The following DUSP22 variants were observed in gnomAD, a reference collection of about 807,000 sequenced individuals.
The protein encoded by DUSP22 is dual specificity phosphatase 22.
Under a neutral mutation model 24.5 loss-of-function variants are expected in DUSP22, and 24 were observed. The observed-to-expected ratio is 0.98, with a 90% confidence interval of 0.71 to 1.38. DUSP22 has a LOEUF of 1.38. Ranked by LOEUF, DUSP22 falls within the 40% of genes most tolerant of loss-of-function variation. The pLI is 0.00. For missense variants in DUSP22, 330 were observed against 269.2 expected, an observed-to-expected ratio of 1.23 and a Z score of -1.58; for synonymous variants, 160 against 106.4, an observed-to-expected ratio of 1.50 and a Z score of -3.10.
chr6:299,147 C>CT (rs1222366072), intron 1 of DUSP22, among the ~76,000 whole-genome samples: 24 of 152,276 alleles, frequency 1.6e-4, no homozygotes, highest in East Asian at 3.8e-4. Context: ...CCTTTACAGG[C>CT]TTTTTTTTCC....
At chr6:298,952 T>A (rs990933561) in intron 1 of DUSP22, among the ~76,000 whole-genome samples, 1 of 152,296 alleles carries the variant, frequency 6.6e-6, no homozygotes, top group Non-Finnish European at 1.5e-5. Flanking sequence ...CAAGGCGATA[T>A]GAGAGAGAGA....
intron 4 of DUSP22, chr6:338,173 A>G (rs1369003348): frequency 1.3e-5 from 2 of 152,360 alleles, no homozygotes; most frequent in African/African-American, 4.8e-5. Context: ...GTAACAGCAA[A>G]TCTTGTGAAT....
intron 2 of DUSP22, among the ~76,000 whole-genome samples, chr6:305,647 G>C (rs1757786399): frequency 1.3e-5 from 2 of 152,306 alleles, no homozygotes; most frequent in African/African-American, 4.8e-5. Flanking sequence ...TCGGCTTCCA[G>C]GGAGGGGCCA....
Position 306,537 on chromosome 6 carries a change from C to T in DUSP22, c.55+1876C>T, listed in dbSNP as rs577096817. On this transcript the variant is annotated intron_variant, in intron 2 of 6. Coordinates refer to ENST00000419235, the MANE Select transcript of DUSP22 (RefSeq NM_001286555.3). ...CTCCTTGTTCATAGGGTTAATGCTG[C>T]ATTATTACCTTAAGTTATTCTGATA... 2.0e-5 allele frequency among the ~76,000 whole-genome samples: 3 copies of T among 152,420 alleles called. No individual in the cohort carries two copies. In the East Asian group the frequency reaches 5.8e-4, roughly 29 times the overall value.
At chr6:327,176 G>A (rs527865036) in intron 3 of DUSP22, among the ~76,000 whole-genome samples, 3 of 152,428 alleles carry the variant, frequency 2.0e-5, no homozygotes, top group African/African-American at 2.4e-5. Context: ...GAGCTTCCAG[G>A]AGCCCAGCCA....
intron 3 of DUSP22, among the ~76,000 whole-genome samples, chr6:332,926 A>G (rs1465722405): frequency 2.0e-5 from 3 of 152,306 alleles, no homozygotes; most frequent in Non-Finnish European, 2.9e-5. Context: ...ATCGACTGCC[A>G]ACTCTCACTT....
At chr6:296,682 T>C (rs1053077795) in intron 1 of DUSP22, among the ~76,000 whole-genome samples, 3 of 152,298 alleles carry the variant, frequency 2.0e-5, no homozygotes, top group East Asian at 1.9e-4. Context: ...CAATACCCCA[T>C]TAAAAACAAA....
At chr6:302,342 C>CTG (rs1757619382) in intron 1 of DUSP22, among the ~76,000 whole-genome samples, 1 of 152,308 alleles carries the variant, frequency 6.6e-6, no homozygotes, top group Non-Finnish European at 1.5e-5. Flanking sequence ...ACAGTGTCTG[C>CTG]TGTGCAGGAC....
At chr6:309,001 G>A (rs1359967822) in intron 2 of DUSP22, among the ~76,000 whole-genome samples, 15 of 152,308 alleles carry the variant, frequency 9.8e-5, no homozygotes, top group African/African-American at 3.4e-4. Context: ...CTGTTTCACT[G>A]CTTTTCTAAA....
rs1031856137 is a variant in DUSP22 at position 313,133 on chromosome 6, C to T, written c.138+1171C>T. 3.3e-5 allele frequency among the ~76,000 whole-genome samples: 5 copies of T among 152,304 alleles called. No individual in the cohort carries two copies. In the South Asian group the frequency reaches 8.3e-4, roughly 25 times the overall value. ...AGTTTGTATTTAAAATACAGCCAAG[C>T]TATGGCCAAGATGCTAAGTTAAACT... On this transcript the variant is annotated intron_variant, in intron 3 of 6. Transcript: ENST00000419235.
chr6:343,672 C>CGTGTGCATGTTTGT (rs1431131243), intron 4 of DUSP22, among the ~76,000 whole-genome samples: 2 of 151,844 alleles, frequency 1.3e-5, no homozygotes, highest in African/African-American at 4.8e-5. Flanking sequence ...TGCATGTTTG[C>CGTGTGCATGTTTGT]GTGTGCATGT....
chr6:316,988 T>G (rs1399899469), intron 3 of DUSP22, among the ~76,000 whole-genome samples: 1 of 152,312 alleles, frequency 6.6e-6, no homozygotes, highest in Non-Finnish European at 1.5e-5. Context: ...TATGGTGTTT[T>G]TAAAAGAATG....
intron 1 of DUSP22, among the ~76,000 whole-genome samples, chr6:303,280 C>T (rs1177126183): frequency 1.3e-5 from 2 of 152,308 alleles, no homozygotes; most frequent in Non-Finnish European, 2.9e-5. Flanking sequence ...AGACTGTTGT[C>T]TCGGAGTAAT....
rs376941361 is a variant in DUSP22, at chr6:345,933, G to A, written c.263+5G>A. On this transcript the variant is annotated splice_donor_5th_base_variant and intron_variant, in intron 5 of 6. Coordinates refer to ENST00000419235, the MANE Select transcript of DUSP22 (RefSeq NM_001286555.3). The stretch of plus-strand genomic sequence containing the variant: ...TGAGAGCTGCCTTGTACACTGGTAC[G>A]TGTGTCTCTTGCTTAATAGCGCCTT... The A allele has an allele frequency of 1.2e-4, 187 of 1,613,898 alleles. No homozygotes were observed. Among genetic ancestry groups the A allele is most frequent in the Non-Finnish European group, 1.4e-4 (161 of 1,179,848 alleles).
chr6:311,884 C>A lies in DUSP22; in HGVS notation c.60C>A (p.Ala20=). ...ATCCCCTTTCTTCTCTGACAGATGCCAGAGACGCGGAACAATTGAGCAAGA... is the reference window on the plus strand; with the variant it reads ...ATCCCCTTTCTTCTCTGACAGATGCAAGAGACGCGGAACAATTGAGCAAGA... The part of the protein sequence containing the change: ...PGLYIGNFKD[A]RDAEQLSKNK... The change falls in exon 3 of 7, where the codon GCC becomes GCA. Residue 20 remains alanine (A), a synonymous_variant. Coordinates refer to ENST00000419235, the MANE Select transcript of DUSP22 (RefSeq NM_001286555.3). The A allele has an allele frequency of 6.2e-7, 1 of 1,611,970 alleles. No homozygotes were observed. The highest frequency in any genetic ancestry group is 8.5e-7 in the Non-Finnish European group (1 of 1,178,744).
At chr6:318,864 G>A (rs983039966) in intron 3 of DUSP22, among the ~76,000 whole-genome samples, 4 of 152,416 alleles carry the variant, frequency 2.6e-5, no homozygotes, top group African/African-American at 9.6e-5. Flanking sequence ...ATACTCGGCA[G>A]CAATTCAACA....
Position 331,119 on chromosome 6 carries a change from C to T in DUSP22, c.139-3995C>T, listed in dbSNP as rs550677044. ...ACAGAGCCCATTTTTCTTAACTGAG[C>T]TTGTTTTTGTATTTCAGTGTACTCG... On this transcript the variant is annotated intron_variant, in intron 3 of 6. Coordinates refer to ENST00000419235, the MANE Select transcript of DUSP22 (RefSeq NM_001286555.3). Among the ~76,000 whole-genome samples, 4 of 152,410 alleles carry T rather than the reference C, an allele frequency of 2.6e-5. No individual in the cohort carries two copies. The East Asian group carries it at 7.7e-4, about 29-fold the overall frequency.
At chr6:296,861 A>G (rs1757355044) in intron 1 of DUSP22, among the ~76,000 whole-genome samples, 1 of 152,308 alleles carries the variant, frequency 6.6e-6, no homozygotes, top group African/African-American at 2.4e-5. Context: ...ACTGACTGCC[A>G]GGGTTCGTTT....
At chr6:328,407 T>C (rs374633317) in intron 3 of DUSP22, among the ~76,000 whole-genome samples, 4 of 152,302 alleles carry the variant, frequency 2.6e-5, no homozygotes, top group African/African-American at 7.2e-5. Context: ...TGCACTGAAA[T>C]ATCTTGAACA....
Sources: allele counts gnomAD v4.1 joint callset (sites outside exome capture counted in the v4.1 genomes callset), GRCh38; gene constraint gnomAD v4.1.1; transcripts MANE v1.5; gene names NCBI Gene and HGNC (gene_info 2026-07-23, HGNC 2026-07-21).